The following SFXN1 variants were observed in gnomAD, a reference collection of about 807,000 sequenced individuals.
The protein encoded by SFXN1 is sideroflexin-1.
In SFXN1, 32 loss-of-function variants were observed where a neutral mutation model predicts 39.5. The observed-to-expected ratio is 0.81, with a 90% CI of 0.61 to 1.09. The LOEUF (loss-of-function observed/expected upper bound fraction) is 1.09, where lower values mean the gene tolerates loss of function less well. SFXN1 is among the 50% of genes least tolerant of loss of function. SFXN1 has a pLI of 0.00. For missense variants in SFXN1, 402 were observed against 407.1 expected, an observed-to-expected ratio of 0.99 and a Z score of 0.11; for synonymous variants, 136 against 146.5, an observed-to-expected ratio of 0.93 and a Z score of 0.52.
At chr5:175,486,551 C>T (rs532672350) in intron 1 of SFXN1, among the ~76,000 whole-genome samples, 3 of 152,202 alleles carry the variant, frequency 2.0e-5, no homozygotes, top group Non-Finnish European at 2.9e-5. Flanking sequence ...CACTTGAGCC[C>T]GGGAGTTCGA....
chr5:175,480,400 TAAAAA>T (rs397972232), intron 1 of SFXN1, among the ~76,000 whole-genome samples: 1 of 144,630 alleles, frequency 6.9e-6, no homozygotes, highest in Non-Finnish European at 1.5e-5. Context: ...GACTCCGTCT[TAAAAA>T]AAAAAAAATA....
At chr5:175,492,388 C>CAAA (rs11318563) in intron 2 of SFXN1, 121 bp downstream of exon 2, 1 of 636,168 alleles carries the variant, frequency 1.6e-6, no homozygotes, top group Non-Finnish European at 2.4e-6. Flanking sequence ...TTCTTTTGAC[C>CAAA]AAAAAAAAAA....
chr5:175,490,525 A>C lies in SFXN1; in HGVS notation c.-9-1570A>C, dbSNP rs534402002. 3.9e-5 allele frequency among the ~76,000 whole-genome samples: 6 copies of C among 152,370 alleles called. No individual in the cohort carries two copies. In the South Asian group the frequency reaches 1.2e-3, roughly 32 times the overall value. ...CATCCGACATCTTAATGTACCTCCG[A>C]ACCTGTAAAGCACTAAGAAAGTAAC... is the stretch of plus-strand genomic sequence containing the variant. On this transcript the variant is annotated intron_variant, in intron 1 of 10. Transcript: ENST00000321442.
intron 8 of SFXN1, among the ~76,000 whole-genome samples, chr5:175,521,687 T>C (rs1381561360): frequency 6.6e-6 from 1 of 152,198 alleles, no homozygotes; most frequent in Non-Finnish European, 1.5e-5. Flanking sequence ...AATGGGGGAC[T>C]GGGAGGAAAA....
intron 6 of SFXN1, among the ~76,000 whole-genome samples, chr5:175,512,869 G>A (rs979018936): frequency 9.2e-5 from 14 of 152,162 alleles, no homozygotes; most frequent in African/African-American, 3.4e-4. Flanking sequence ...TTGCACATGA[G>A]CATAGATTGA....
intron 2 of SFXN1, among the ~76,000 whole-genome samples, chr5:175,502,280 G>A (rs576814541): frequency 2.0e-5 from 3 of 152,270 alleles, no homozygotes; most frequent in Admixed American, 2.0e-4. Context: ...TTCTGATCTT[G>A]TAGCTAATTT....
Position 175,496,732 on chromosome 5 carries a change from C to T in SFXN1, c.164+4465C>T, listed in dbSNP as rs150313066. Among the ~76,000 whole-genome samples, 32 of 152,258 alleles carry T rather than the reference C, an allele frequency of 2.1e-4. No homozygotes were observed. The East Asian group carries it at 4.4e-3, about 21-fold the overall frequency. On this transcript the variant is annotated intron_variant, in intron 2 of 10. Coordinates refer to ENST00000321442, the MANE Select transcript of SFXN1 (RefSeq NM_022754.7). The stretch of plus-strand genomic sequence containing the variant: ...AGCTTGCATGATGTAATTGTACTTA[C>T]GAAATTACAGTACATTTTTCCAAGA...
intron 2 of SFXN1, among the ~76,000 whole-genome samples, chr5:175,499,257 GAA>G (rs201638813): frequency 5.8e-5 from 8 of 136,866 alleles, no homozygotes; most frequent in East Asian, 2.1e-4. Flanking sequence ...TCTGTCTCAA[GAA>G]AAAAAAAAAA....
chr5:175,517,056 CTCTCA>C (rs1183130247), intron 8 of SFXN1, among the ~76,000 whole-genome samples: 4 of 152,278 alleles, frequency 2.6e-5, no homozygotes, highest in South Asian at 2.1e-4. Context: ...AGCACAGTTC[CTCTCA>C]TCTCAGTGAC....
chr5:175,492,492 C>T (rs1759696869), intron 2 of SFXN1: 3 of 397,214 alleles, frequency 7.6e-6, no homozygotes, highest in Non-Finnish European at 1.3e-5. Flanking sequence ...CAATGGGAGT[C>T]ATCCCTCTTA....
chr5:175,484,583 G>A (rs1445441629), intron 1 of SFXN1, among the ~76,000 whole-genome samples: 1 of 152,256 alleles, frequency 6.6e-6, no homozygotes, highest in Non-Finnish European at 1.5e-5. Flanking sequence ...TCCCCACATA[G>A]CGGCCAAGGC....
At chr5:175,498,222 G>A (rs1254325603) in intron 2 of SFXN1, among the ~76,000 whole-genome samples, 1 of 152,144 alleles carries the variant, frequency 6.6e-6, no homozygotes, top group Non-Finnish European at 1.5e-5. Context: ...TGAATGAACT[G>A]AGAACCCAGC....
chr5:175,495,156 A>G (rs1759810936), intron 2 of SFXN1, among the ~76,000 whole-genome samples: 1 of 152,246 alleles, frequency 6.6e-6, no homozygotes, highest in South Asian at 2.1e-4. Context: ...ATGCTACAAC[A>G]TGGTTGATCA....
intron 10 of SFXN1, among the ~76,000 whole-genome samples, chr5:175,525,600 A>C (rs1761035248): frequency 6.6e-6 from 1 of 152,066 alleles, no homozygotes; most frequent in African/African-American, 2.4e-5. Context: ...CATGTCAACT[A>C]TATTAATCAA....
intron 2 of SFXN1, among the ~76,000 whole-genome samples, chr5:175,506,588 A>G (rs1247860232): frequency 3.3e-5 from 5 of 152,216 alleles, no homozygotes; most frequent in Non-Finnish European, 7.3e-5. Flanking sequence ...AATATGCCCA[A>G]CACTAGGAGA....
chr5:175,492,101 A>C lies in SFXN1; in HGVS notation c.-3A>C, dbSNP rs1331181724. On this transcript the variant is annotated 5_prime_UTR_variant, in exon 2 of 11. Coordinates refer to ENST00000321442, the MANE Select transcript of SFXN1 (RefSeq NM_022754.7). ...CCTTTTTGACTCTTTGCAGTCCGGG[A>C]CCATGTCTGGAGAACTACCACCAAA... The C allele has an allele frequency of 6.2e-7, 1 of 1,612,384 alleles. No individual in the cohort carries two copies.
rs1356241789 is a variant in SFXN1, at chr5:175,511,488, G to A, written c.472G>A (p.Ala158Thr). Residue 158 changes from alanine (A) to threonine (T), a missense_variant, in exon 5 of 11, where the codon GCC (alanine) becomes ACC (threonine). Transcript: ENST00000321442. Reference sequence around the variant, plus strand: ...AGCTTACGTTTCTGCAACAACTGGTGCCGTAGCAACAGCTCTAGGACTCAA... The same window carrying A: ...AGCTTACGTTTCTGCAACAACTGGTACCGTAGCAACAGCTCTAGGACTCAA... ...GTAYVSATTGAVATALGLNAL... is the reference protein window; with the variant it reads ...GTAYVSATTGTVATALGLNAL... The A allele has an allele frequency of 6.2e-7, 1 of 1,614,080 alleles. No individual in the cohort carries two copies. Among genetic ancestry groups the A allele is most frequent in the Non-Finnish European group, 8.5e-7 (1 of 1,179,994 alleles).
chr5:175,503,858 T>C (rs1184461150), intron 2 of SFXN1, among the ~76,000 whole-genome samples: 1 of 151,626 alleles, frequency 6.6e-6, no homozygotes, highest in African/African-American at 2.4e-5. Context: ...CAAAAAATTA[T>C]CCAGGCATGG....
intron 3 of SFXN1, 25 bp downstream of exon 3, chr5:175,509,227 GT>G: frequency 6.3e-7 from 1 of 1,582,686 alleles, no homozygotes; most frequent in Non-Finnish European, 8.6e-7. Context: ...TGTAGCAACA[GT>G]GTGTTTACCA....
Sources: allele counts gnomAD v4.1 joint callset (sites outside exome capture counted in the v4.1 genomes callset), GRCh38; gene constraint gnomAD v4.1.1; transcripts MANE v1.5; gene names NCBI Gene and HGNC (gene_info 2026-07-23, HGNC 2026-07-21).